The following UNC5D variants were observed in gnomAD, a reference collection of about 807,000 sequenced individuals.
The protein encoded by UNC5D is unc-5 netrin receptor D, also known as netrin receptor UNC5D.
In UNC5D, 39 loss-of-function variants were observed where a neutral mutation model predicts 105.4. The observed-to-expected ratio is 0.37, with a 90% CI of 0.29 to 0.48. UNC5D has a LOEUF of 0.48. UNC5D is among the 20% of genes least tolerant of loss of function. UNC5D has a pLI of 0.98. For synonymous variants in UNC5D, 452 were observed against 450.4 expected (o/e 1.00, Z -0.04); for missense variants, 991 against 1,202.4 (o/e 0.82, Z 2.60).
At chr8:35,305,843 T>G (rs1808368518) in intron 1 of UNC5D, among the ~76,000 whole-genome samples, 3 of 124,148 alleles carry the variant, frequency 2.4e-5, no homozygotes, top group South Asian at 3.3e-4. Context: ...CCCTCCCTTC[T>G]TCCCTCCCCC....
At chr8:35,459,813 C>A (rs1257135927) in intron 1 of UNC5D, among the ~76,000 whole-genome samples, 14 of 152,146 alleles carry the variant, frequency 9.2e-5, no homozygotes, top group Admixed American at 9.2e-4. Flanking sequence ...GTTTTGATTT[C>A]TAACATATTG....
intron 1 of UNC5D, among the ~76,000 whole-genome samples, chr8:35,296,545 G>C (rs2128866848): frequency 6.6e-6 from 1 of 152,208 alleles, no homozygotes; most frequent in African/African-American, 2.4e-5. Flanking sequence ...TCTGCCTCCT[G>C]AGTAGTTGTG....
At chr8:35,235,953 AC>A (rs1802428102) in intron 1 of UNC5D, 66 bp downstream of exon 1, 1 of 1,192,608 alleles carries the variant, frequency 8.4e-7, no homozygotes, top group Non-Finnish European at 1.0e-6. Context: ...ACGGAGCGGG[AC>A]CTGCACCGAT....
At chr8:35,381,159 A>T (rs1037397531) in intron 1 of UNC5D, among the ~76,000 whole-genome samples, 2 of 152,190 alleles carry the variant, frequency 1.3e-5, no homozygotes, top group Non-Finnish European at 2.9e-5. Flanking sequence ...GATAGCCAGC[A>T]TTAAAAATCA....
At chr8:35,426,570 C>T (rs1331041410) in intron 1 of UNC5D, among the ~76,000 whole-genome samples, 1 of 152,104 alleles carries the variant, frequency 6.6e-6, no homozygotes, top group East Asian at 1.9e-4. Flanking sequence ...TTGAGGTTAA[C>T]TTAATGTAAT....
intron 2 of UNC5D, among the ~76,000 whole-genome samples, chr8:35,566,937 A>G (rs1055211629): frequency 6.6e-6 from 1 of 152,130 alleles, no homozygotes; most frequent in Non-Finnish European, 1.5e-5. Context: ...TGCCCCTTCC[A>G]TCCTTGGTAC....
chr8:35,272,585 C>G (rs1404465043), intron 1 of UNC5D, among the ~76,000 whole-genome samples: 4 of 152,152 alleles, frequency 2.6e-5, no homozygotes, highest in Non-Finnish European at 5.9e-5. Flanking sequence ...ATGGCCTGCC[C>G]CTGGGGAGAG....
chr8:35,783,436 C>G (rs372761022), intron 16 of UNC5D, among the ~76,000 whole-genome samples: 5 of 152,220 alleles, frequency 3.3e-5, no homozygotes, highest in African/African-American at 1.2e-4. Context: ...AGACTGTCCT[C>G]CTGGTACCAT....
At position 35,512,978 on chromosome 8, in the gene UNC5D, G is replaced by C. The variant is rs1340265605; in HGVS notation, c.104-36314G>C. ...TTACAGATGTGAGCCACCATGCCTG[G>C]CTTTGCCCCTTTATTCTCATTTCTT... On this transcript the variant is annotated intron_variant, in intron 1 of 16. Coordinates refer to ENST00000404895, the MANE Select transcript of UNC5D (RefSeq NM_080872.4). Among the ~76,000 whole-genome samples the C allele has an allele frequency of 3.3e-5, 5 of 151,716 alleles. No homozygotes were observed. The South Asian group carries it at 1.0e-3, about 32-fold the overall frequency.
intron 1 of UNC5D, among the ~76,000 whole-genome samples, chr8:35,403,871 C>T (rs1194618077): frequency 6.6e-6 from 1 of 152,182 alleles, no homozygotes; most frequent in East Asian, 1.9e-4. Flanking sequence ...TCTGCTGTCT[C>T]CTGGACTGCA....
At chr8:35,439,782 A>G (rs1198623840) in intron 1 of UNC5D, among the ~76,000 whole-genome samples, 1 of 151,956 alleles carries the variant, frequency 6.6e-6, no homozygotes, top group Non-Finnish European at 1.5e-5. Flanking sequence ...AAATATGGAA[A>G]GTCATCTTCT....
chr8:35,703,277 A>G (rs546576673), intron 7 of UNC5D, among the ~76,000 whole-genome samples: 1 of 152,240 alleles, frequency 6.6e-6, no homozygotes, highest in African/African-American at 2.4e-5. Flanking sequence ...ATTGATGACA[A>G]ACATGTGCTA....
chr8:35,562,751 C>T (rs866901074), intron 2 of UNC5D, among the ~76,000 whole-genome samples: 1 of 152,104 alleles, frequency 6.6e-6, no homozygotes, highest in Middle Eastern at 3.4e-3. Flanking sequence ...AATATTTTCT[C>T]ATTTTCAGTG....
At chr8:35,414,100 C>T (rs946595202) in intron 1 of UNC5D, among the ~76,000 whole-genome samples, 5 of 152,052 alleles carry the variant, frequency 3.3e-5, no homozygotes, top group African/African-American at 1.2e-4. Flanking sequence ...TTGATAACCA[C>T]CTGTTTTAGT....
chr8:35,281,178 T>A (rs527793722), intron 1 of UNC5D, among the ~76,000 whole-genome samples: 11 of 152,262 alleles, frequency 7.2e-5, no homozygotes, highest in African/African-American at 2.2e-4. Context: ...AGCCCTTTTT[T>A]CAAATCTTCT....
chr8:35,322,669 G>A (rs963586305), intron 1 of UNC5D, among the ~76,000 whole-genome samples: 1 of 152,156 alleles, frequency 6.6e-6, no homozygotes, highest in African/African-American at 2.4e-5. Flanking sequence ...TATTTGCAAT[G>A]CATGTTGTGT....
At chr8:35,649,377 C>A (rs535184673) in intron 4 of UNC5D, among the ~76,000 whole-genome samples, 1 of 152,226 alleles carries the variant, frequency 6.6e-6, no homozygotes, top group Admixed American at 6.5e-5. Flanking sequence ...TGGACTCTGG[C>A]CAGCACACTG....
At chr8:35,375,584 G>T (rs924602029) in intron 1 of UNC5D, among the ~76,000 whole-genome samples, 2 of 152,120 alleles carry the variant, frequency 1.3e-5, no homozygotes, top group African/African-American at 4.8e-5. Context: ...AATGGTGTTG[G>T]CTTTACAATC....
chr8:35,285,046 A>C (rs1806490198), intron 1 of UNC5D, among the ~76,000 whole-genome samples: 1 of 152,150 alleles, frequency 6.6e-6, no homozygotes, highest in Admixed American at 6.5e-5. Flanking sequence ...CCAATACCTA[A>C]ATGATACACT....
Sources: gnomAD v4.1 joint callset for allele counts (sites outside exome capture counted in the v4.1 genomes callset) on GRCh38, gnomAD v4.1.1 for gene constraint, MANE v1.5 for transcripts, NCBI Gene and HGNC (gene_info 2026-07-23, HGNC 2026-07-21) for gene names.